The following CSPP1 variants were observed in gnomAD, a reference collection of about 807,000 sequenced individuals.
CSPP1 encodes the protein centrosome and spindle pole-associated protein 1.
A neutral mutation model predicts 164.4 loss-of-function variants in CSPP1; 126 were observed. The ratio of observed to expected loss-of-function variants is 0.77; its 90% CI spans 0.66 to 0.89. The LOEUF (loss-of-function observed/expected upper bound fraction) is 0.89, where lower values mean the gene tolerates loss of function less well. Among genes scored for constraint, CSPP1 ranks in the 40% least tolerant of loss-of-function variants. The pLI, the probability that CSPP1 is intolerant of heterozygous loss-of-function variation, is 0.00. For synonymous variants in CSPP1, 472 were observed against 476.7 expected (o/e 0.99, Z 0.13); for missense variants, 1,395 against 1,449.8 (o/e 0.96, Z 0.61).
At position 67,159,133 on chromosome 8, in the gene CSPP1, C is replaced by G; in HGVS notation, c.2534C>G (p.Thr845Arg). 1.3e-6 allele frequency: 2 copies of G among 1,598,814 alleles called. No homozygotes were observed. Among genetic ancestry groups the G allele is most frequent in the Non-Finnish European group, 1.7e-6 (2 of 1,175,996 alleles). ...CERDNLIGEE[T>R]KHMRQPSPIV... Reference sequence around the variant, plus strand: ...AGAGACAATTTGATTGGGGAAGAAACAAAGGTAAGTTTCAGACAAAAATGT... The same window carrying G: ...AGAGACAATTTGATTGGGGAAGAAAGAAAGGTAAGTTTCAGACAAAAATGT... Residue 845 changes from threonine (T) to arginine (R), a missense_variant, in exon 21 of 31, where the codon ACA (threonine) becomes AGA (arginine). Thr to Arg is a moderately conservative substitution (Grantham distance 71). Coordinates refer to ENST00000678616, the MANE Select transcript of CSPP1 (RefSeq NM_001382391.1).
chr8:67,115,977 A>T lies in CSPP1; in HGVS notation c.1351A>T (p.Arg451Ter), dbSNP rs1166405692. Residue 451 changes from arginine to a stop codon, truncating the protein, a stop_gained, in exon 13 of 31, where the codon AGA becomes TGA. Transcript: ENST00000678616. LOFTEE classifies it high-confidence loss of function. ...RHFEEMIPPE[R>*]PRIAFQTPLP... ...CTTTGAAGAGATGATACCACCTGAAAGACCCAGAATAGCTTTCCAGACACC... is the reference window on the plus strand; with the variant it reads ...CTTTGAAGAGATGATACCACCTGAATGACCCAGAATAGCTTTCCAGACACC... The T allele has an allele frequency of 6.2e-7, 1 of 1,613,920 alleles. No homozygotes were observed. The highest frequency in any genetic ancestry group is 8.5e-7 in the Non-Finnish European group (1 of 1,179,974).
Position 67,115,940 on chromosome 8 carries a change from G to A in CSPP1, c.1314G>A (p.Val438=). The A allele has an allele frequency of 6.2e-7, 1 of 1,613,678 alleles. No individual in the cohort carries two copies. The highest frequency in any genetic ancestry group is 8.5e-7 in the Non-Finnish European group (1 of 1,179,824). Residue 438 remains valine, a synonymous_variant, in exon 13 of 31, where the codon GTG becomes GTA. Coordinates refer to ENST00000678616, the MANE Select transcript of CSPP1 (RefSeq NM_001382391.1). ...EEPDRLKQFS[V]APRHFEEMIP... ...CTGATAGACTAAAGCAGTTTAGTGTGGCACCAAGACACTTTGAAGAGATGA... is the reference window on the plus strand; with the variant it reads ...CTGATAGACTAAAGCAGTTTAGTGTAGCACCAAGACACTTTGAAGAGATGA...
intron 17 of CSPP1, among the ~76,000 whole-genome samples, chr8:67,143,459 T>C (rs1393212884): frequency 6.6e-6 from 1 of 152,140 alleles, no homozygotes; most frequent in Non-Finnish European, 1.5e-5. Flanking sequence ...TATTACTTTG[T>C]CATGTCAAGC....
chr8:67,175,423 G>A lies in CSPP1; in HGVS notation c.3096G>A (p.Gln1032=). The change falls in exon 26 of 31, where the codon CAG becomes CAA. Residue 1032 remains glutamine, a synonymous_variant. Transcript: ENST00000678616. The part of the protein sequence containing the change: ...QQKRLNRIKM[Q]EGAKVDLDAI... ...AGAGGCTGAACAGAATAAAAATGCA[G>A]GAAGGTGCCAAAGGTAAGAAATAAT... is the stretch of plus-strand genomic sequence containing the variant. The A allele has an allele frequency of 2.5e-6, 4 of 1,614,162 alleles. No homozygotes were observed. Among genetic ancestry groups the A allele is most frequent in the Non-Finnish European group, 8.5e-7 (1 of 1,179,996 alleles).
intron 29 of CSPP1, among the ~76,000 whole-genome samples, chr8:67,192,046 T>A (rs1836406023): frequency 6.6e-6 from 1 of 151,886 alleles, no homozygotes; most frequent in African/African-American, 2.4e-5. Context: ...GATATGTCTA[T>A]TCAAATCCTT....
intron 18 of CSPP1, among the ~76,000 whole-genome samples, chr8:67,153,722 A>G (rs1219113286): frequency 6.6e-6 from 1 of 152,056 alleles, no homozygotes; most frequent in African/African-American, 2.4e-5. Context: ...TATAAATTCT[A>G]TTTTAAAGCC....
intron 1 of CSPP1, among the ~76,000 whole-genome samples, chr8:67,073,194 T>G (rs952860901): frequency 6.6e-6 from 1 of 152,218 alleles, no homozygotes; most frequent in Non-Finnish European, 1.5e-5. Context: ...AGGAACAGTT[T>G]AGCAGTTCAG....
chr8:67,083,372 A>G (rs1311440576), intron 3 of CSPP1, among the ~76,000 whole-genome samples: 1 of 151,244 alleles, frequency 6.6e-6, no homozygotes, highest in Non-Finnish European at 1.5e-5. Flanking sequence ...CCTCCACTAA[A>G]AATACAAAAA....
intron 4 of CSPP1, among the ~76,000 whole-genome samples, chr8:67,091,246 T>C (rs1002719359): frequency 6.6e-6 from 1 of 152,230 alleles, no homozygotes; most frequent in African/African-American, 2.4e-5. Context: ...CTAGGTCTTT[T>C]GACTGCTAGT....
intron 20 of CSPP1, 139 bp downstream of exon 20, chr8:67,158,735 ATAT>A (rs1417989834): frequency 2.6e-6 from 3 of 1,169,110 alleles, no homozygotes; most frequent in Non-Finnish European, 3.5e-6. Context: ...CATTCTTTGG[ATAT>A]TATTTTATTA....
At chr8:67,142,653 T>C (rs1034483722) in intron 17 of CSPP1, among the ~76,000 whole-genome samples, 2 of 152,200 alleles carry the variant, frequency 1.3e-5, no homozygotes, top group Admixed American at 1.3e-4. Flanking sequence ...TGTGTGAACA[T>C]AAATTTTTAT....
intron 10 of CSPP1, among the ~76,000 whole-genome samples, chr8:67,113,454 T>A (rs1370408889): frequency 6.6e-6 from 1 of 152,276 alleles, no homozygotes; most frequent in African/African-American, 2.4e-5. Flanking sequence ...TTTTTACCCT[T>A]CTTTTTGCTA....
chr8:67,150,059 A>G, intron 18 of CSPP1, 124 bp downstream of exon 18: 2 of 947,358 alleles, frequency 2.1e-6, no homozygotes, highest in East Asian at 3.0e-5. Context: ...GATACAGGAA[A>G]CATAACACAC....
rs1382795214 is a variant in CSPP1, at chr8:67,064,455, A to G, written c.-94A>G. The stretch of plus-strand genomic sequence containing the variant: ...CCTCTTCGGTCCGCGACGATCCTCT[A>G]GAGCACTGTGTGTCTCCCCGGACGC... On this transcript the variant is annotated 5_prime_UTR_variant, in exon 1 of 31. Coordinates refer to ENST00000678616, the MANE Select transcript of CSPP1 (RefSeq NM_001382391.1). 10 of 1,613,964 alleles carry G rather than the reference A, an allele frequency of 6.2e-6. No homozygotes were observed. Among genetic ancestry groups the G allele is most frequent in the South Asian group, 1.1e-5 (1 of 91,086 alleles).
At chr8:67,084,457 C>G (rs759859615) in intron 3 of CSPP1, 2 of 152,196 alleles carry the variant, frequency 1.3e-5, no homozygotes, top group Non-Finnish European at 2.9e-5. Flanking sequence ...ATGACACATT[C>G]TTGAAAAGTT....
chr8:67,179,789 CTCT>C, intron 27 of CSPP1, 71 bp from the exon 28 acceptor site: 3 of 993,856 alleles, frequency 3.0e-6, no homozygotes, highest in African/African-American at 1.6e-5. Context: ...AAACTTGTGC[CTCT>C]TCTTAGTATA....
intron 17 of CSPP1, among the ~76,000 whole-genome samples, chr8:67,144,291 T>C (rs932858512): frequency 2.6e-5 from 4 of 152,214 alleles, no homozygotes; most frequent in Non-Finnish European, 5.9e-5. Flanking sequence ...TATTGTCTTT[T>C]ATACGTGTTG....
At chr8:67,129,207 T>G (rs1169766184) in intron 15 of CSPP1, among the ~76,000 whole-genome samples, 1 of 152,136 alleles carries the variant, frequency 6.6e-6, no homozygotes, top group Non-Finnish European at 1.5e-5. Context: ...AAAACTTACA[T>G]CATGTATTTT....
intron 24 of CSPP1, among the ~76,000 whole-genome samples, chr8:67,168,876 T>C (rs1303547032): frequency 6.6e-6 from 1 of 152,218 alleles, no homozygotes; most frequent in African/African-American, 2.4e-5. Context: ...TAGACAGCAG[T>C]CCAATTTAAT....
Sources: allele counts gnomAD v4.1 joint callset (sites outside exome capture counted in the v4.1 genomes callset), GRCh38; gene constraint gnomAD v4.1.1; transcripts MANE v1.5; gene names NCBI Gene and HGNC (gene_info 2026-07-23, HGNC 2026-07-21).